Variants in HACE1 observed in about 807,000 individuals in gnomAD.
The protein encoded by HACE1 is HECT domain and ankyrin repeat containing E3 ubiquitin protein ligase 1.
Under a neutral mutation model 118.4 loss-of-function variants are expected in HACE1, and 73 were observed. The observed-to-expected ratio is 0.62, with a 90% CI of 0.51 to 0.75. The LOEUF (loss-of-function observed/expected upper bound fraction) is 0.75. Ranked by LOEUF, HACE1 falls within the 30% of genes least tolerant of loss-of-function variation. The pLI is 0.00. For synonymous variants in HACE1, 368 were observed against 374.8 expected, an observed-to-expected ratio of 0.98 and a Z score of 0.21; for missense variants, 749 against 1,102.2, an observed-to-expected ratio of 0.68 and a Z score of 4.54.
chr6:104,805,962 C>G (rs1359604601), intron 7 of HACE1, among the ~76,000 whole-genome samples: 1 of 151,994 alleles, frequency 6.6e-6, no homozygotes, highest in Non-Finnish European at 1.5e-5. Flanking sequence ...ACAGGATGAA[C>G]AGACAAGATC....
intron 11 of HACE1, 33 bp downstream of exon 11, chr6:104,791,470 CT>C: frequency 6.4e-7 from 1 of 1,568,468 alleles, no homozygotes; most frequent in Non-Finnish European, 8.8e-7. Context: ...TCTTTTACGT[CT>C]ATCTTCCTAA....
intron 17 of HACE1, among the ~76,000 whole-genome samples, chr6:104,775,341 G>A (rs529200203): frequency 9.2e-5 from 14 of 151,534 alleles, no homozygotes; most frequent in Middle Eastern, 3.2e-3. Context: ...CCAAGATTGC[G>A]CCACTGCCCT....
chr6:104,833,808 A>C (rs903928154), intron 5 of HACE1, among the ~76,000 whole-genome samples: 1 of 152,072 alleles, frequency 6.6e-6, no homozygotes, highest in African/African-American at 2.4e-5. Flanking sequence ...GACATGGTGA[A>C]ACCTTGTCTC....
chr6:104,833,054 G>A lies in HACE1; in HGVS notation c.522C>T (p.Asn174=), dbSNP rs187016005. The A allele has an allele frequency of 1.0e-4, 164 of 1,613,072 alleles. 3 individuals carry two copies. The East Asian group carries it at 3.3e-3, about 33-fold the overall frequency. Residue 174 remains asparagine (N), a synonymous_variant, in exon 6 of 24, where the codon AAC becomes AAT. Coordinates refer to ENST00000262903, the MANE Select transcript of HACE1 (RefSeq NM_020771.4). The part of the protein sequence containing the change: ...GQTALHVACQ[N]GHKTTVQCLL... ...TGGCTCAACTTACCGTCTTGTGACCGTTCTGGCAGGCAACATGCAGTGCTG... is the reference window on the plus strand; with the variant it reads ...TGGCTCAACTTACCGTCTTGTGACCATTCTGGCAGGCAACATGCAGTGCTG...
At position 104,728,151 on chromosome 6, in the gene HACE1, T is replaced by G. The variant is rs750866398; in HGVS notation, c.*1511A>C. ...TTACATAACTACTTGCAAAAAAAACTAATATGACAAAGCCAATGTATTATA... is the reference window on the plus strand; with the variant it reads ...TTACATAACTACTTGCAAAAAAAACGAATATGACAAAGCCAATGTATTATA... On this transcript the variant is annotated 3_prime_UTR_variant, in exon 24 of 24. Coordinates refer to ENST00000262903, the MANE Select transcript of HACE1 (RefSeq NM_020771.4). The G allele has an allele frequency of 2.1e-4, 32 of 152,150 alleles. No homozygotes were observed. Among genetic ancestry groups the G allele is most frequent in the Non-Finnish European group, 4.3e-4 (29 of 68,014 alleles). The allele number at this position is 152,150 out of a possible 1,614,324, so 9.4% of individuals were successfully genotyped here. A position where few individuals can be genotyped will look rare whatever the true frequency, so the allele number is the denominator to read the frequency against.
Position 104,785,270 on chromosome 6 carries a change from G to T in HACE1, c.1124C>A (p.Ala375Asp). 1 of 1,612,192 alleles carries T rather than the reference G, an allele frequency of 6.2e-7. No homozygotes were observed. Among genetic ancestry groups the T allele is most frequent in the Non-Finnish European group, 8.5e-7 (1 of 1,178,668 alleles). ...TCTTTTGTTTTTCATCAATTCTGTGGCTATTAAAACTAGCCATTCATCTAA... is the reference window on the plus strand; with the variant it reads ...TCTTTTGTTTTTCATCAATTCTGTGTCTATTAAAACTAGCCATTCATCTAA... ...HSLDEWLVLI[A>D]TELMKNKRDS... Residue 375 changes from alanine to aspartate, a missense_variant, in exon 12 of 24, where the codon GCC becomes GAC. Ala to Asp is a moderately radical substitution (Grantham distance 126, BLOSUM62 -2). Coordinates refer to ENST00000262903, the MANE Select transcript of HACE1 (RefSeq NM_020771.4).
At chr6:104,777,519 G>A (rs954763477) in intron 14 of HACE1, among the ~76,000 whole-genome samples, 2 of 152,136 alleles carry the variant, frequency 1.3e-5, no homozygotes, top group Non-Finnish European at 2.9e-5. Flanking sequence ...TGACTACCTA[G>A]AGAAATGTAT....
intron 19 of HACE1, among the ~76,000 whole-genome samples, chr6:104,757,515 C>A (rs1292206417): frequency 6.6e-6 from 1 of 152,142 alleles, no homozygotes; most frequent in Non-Finnish European, 1.5e-5. Context: ...ACAAAAAGGA[C>A]ATCCACACCA....
At chr6:104,843,118 A>G in intron 5 of HACE1, 105 bp downstream of exon 5, 3 of 753,258 alleles carry the variant, frequency 4.0e-6, no homozygotes, top group Non-Finnish European at 7.2e-6. Flanking sequence ...CTCAAAAAAA[A>G]GTAACTTGCA....
intron 4 of HACE1, among the ~76,000 whole-genome samples, chr6:104,846,030 T>G (rs1775636320): frequency 6.6e-6 from 1 of 152,220 alleles, no homozygotes; most frequent in South Asian, 2.1e-4. Flanking sequence ...TAGGTAGGAA[T>G]GAGCCAGGGA....
At chr6:104,812,354 G>C (rs576647020) in intron 6 of HACE1, among the ~76,000 whole-genome samples, 1 of 152,064 alleles carries the variant, frequency 6.6e-6, no homozygotes, top group South Asian at 2.1e-4. Context: ...GCTGAGGTGG[G>C]AGGATCATTT....
At chr6:104,845,701 T>A (rs549667905) in intron 4 of HACE1, 1 of 152,146 alleles carries the variant, frequency 6.6e-6, no homozygotes, top group South Asian at 2.1e-4. Context: ...ATGGTCTCGA[T>A]CTCCTAACCT....
intron 5 of HACE1, among the ~76,000 whole-genome samples, chr6:104,838,049 G>A (rs1336425248): frequency 6.6e-6 from 1 of 151,980 alleles, no homozygotes; most frequent in Non-Finnish European, 1.5e-5. Context: ...AAAGATGCAA[G>A]AAACTGAAGA....
chr6:104,827,094 G>A (rs1408359711), intron 6 of HACE1, among the ~76,000 whole-genome samples: 1 of 152,084 alleles, frequency 6.6e-6, no homozygotes, highest in African/African-American at 2.4e-5. Context: ...TCAATCTCAA[G>A]TCATTTAATT....
At chr6:104,784,952 G>GA (rs375598261) in intron 12 of HACE1, 33 bp downstream of exon 12, 7,818 of 1,216,632 alleles carry the variant, frequency 6.4e-3, no homozygotes, top group Non-Finnish European at 7.8e-3. Context: ...ATCTATCAGA[G>GA]AAAAAAAAAA....
At chr6:104,732,359 T>A (rs1002342228) in intron 22 of HACE1, 1 of 152,178 alleles carries the variant, frequency 6.6e-6, no homozygotes, top group African/African-American at 2.4e-5. Context: ...GAGTATTATT[T>A]AGCCTTAAAA....
At position 104,814,791 on chromosome 6, in the gene HACE1, C is replaced by G. The variant is rs1168175552; in HGVS notation, c.535-3398G>C. On this transcript the variant is annotated intron_variant, in intron 6 of 23. Transcript: ENST00000262903. ...TTTAAAAGTGTGTGGCACATCCCCC[C>G]TCACGCTCTTTCTCCCTCTCTCCTG... Among the ~76,000 whole-genome samples the G allele has an allele frequency of 5.8e-5, 8 of 137,414 alleles. 2 individuals are homozygous for G. The highest frequency in any genetic ancestry group is 1.2e-4 in the Non-Finnish European group (8 of 64,092). 90.1% of individuals were successfully genotyped at this position (137,414 alleles called of 152,430 possible).
chr6:104,746,374 C>T (rs957825225), intron 20 of HACE1, among the ~76,000 whole-genome samples: 6 of 152,330 alleles, frequency 3.9e-5, no homozygotes, highest in Admixed American at 2.6e-4. Flanking sequence ...CAAATACATT[C>T]TCTAGCTTCC....
chr6:104,771,888 T>C (rs200439172), intron 18 of HACE1, 37 bp downstream of exon 18: 3 of 1,411,708 alleles, frequency 2.1e-6, no homozygotes, highest in African/African-American at 1.4e-5. Flanking sequence ...AAAAACAATA[T>C]AAATAAATGT....
Sources: allele counts gnomAD v4.1 joint callset (sites outside exome capture counted in the v4.1 genomes callset), GRCh38; gene constraint gnomAD v4.1.1; transcripts MANE v1.5; gene names NCBI Gene and HGNC (gene_info 2026-07-23, HGNC 2026-07-21).